The following CELF2 variants were observed in gnomAD, a reference collection of about 807,000 sequenced individuals.
CELF2 encodes the protein CUG triplet repeat RNA-binding protein 2.
In CELF2, 8 loss-of-function variants were observed where a neutral mutation model predicts 62.6. That is an observed-to-expected ratio of 0.13 (90% confidence interval 0.07 to 0.23). CELF2 has a LOEUF of 0.23. CELF2 is among the 10% of genes least tolerant of loss of function. The pLI is 1.00. For missense variants in CELF2, 333 were observed against 671.0 expected, an observed-to-expected ratio of 0.50 and a Z score of 5.56; for synonymous variants, 258 against 250.0, an observed-to-expected ratio of 1.03 and a Z score of -0.30.
the CELF2 span, among the ~76,000 whole-genome samples, chr10:10,689,219 T>C: frequency 9.2e-5 from 14 of 152,130 alleles, no homozygotes; most frequent in Non-Finnish European, 1.6e-4. Context: ...CCTCAGGAAA[T>C]TGACAATCAT....
rs887491439 is a variant in CELF2 at position 11,214,428 on chromosome 10, GA to G, written c.272-2996del. Among the ~76,000 whole-genome samples the G allele has an allele frequency of 8.5e-5, 13 of 152,180 alleles. No individual in the cohort carries two copies. Among genetic ancestry groups the G allele is most frequent in the African/African-American group, 3.1e-4 (13 of 41,434 alleles). On this transcript the variant is annotated intron_variant, in intron 2 of 12. Transcript: ENST00000633077. This position sits in a 1 kb window ranked among gnomAD's most constrained non-coding sequence, Gnocchi z 4.2. ...ATTCCCAGTCTCCTTGTCTGCCCAG[GA>G]CCCCACATTTGTGTAAGTTGCTAAT...
At chr10:10,950,079 C>T (rs941621730) in intron 2 of CELF2, among the ~76,000 whole-genome samples, 6 of 152,264 alleles carry the variant, frequency 3.9e-5, no homozygotes, top group Non-Finnish European at 5.9e-5. Context: ...TCCCCTGATT[C>T]CTGAGTTTAT....
chr10:11,232,663 A>G (rs762125449), intron 3 of CELF2, among the ~76,000 whole-genome samples: 9 of 152,276 alleles, frequency 5.9e-5, no homozygotes, highest in East Asian at 1.9e-4. Flanking sequence ...ATGATGTTGC[A>G]TGGTACTGAT....
At chr10:11,095,471 G>A (rs543894638) in intron 1 of CELF2, among the ~76,000 whole-genome samples, 4 of 152,176 alleles carry the variant, frequency 2.6e-5, no homozygotes, top group African/African-American at 4.8e-5. Context: ...GCAGTAGCTC[G>A]TGAGTTTACC....
chr10:10,832,273 A>AAGTAAAAT (rs35304124), intron 1 of CELF2, among the ~76,000 whole-genome samples: 1 of 150,940 alleles, frequency 6.6e-6, no homozygotes, highest in Non-Finnish European at 1.5e-5. Flanking sequence ...ATCTAAAAAA[A>AAGTAAAAT]AAAAATAAAA....
At chr10:10,551,219 T>G in the CELF2 span, among the ~76,000 whole-genome samples, 1 of 152,180 alleles carries the variant, frequency 6.6e-6, no homozygotes, top group East Asian at 1.9e-4. Flanking sequence ...AAGGGTCAAC[T>G]GTAGTCTTAA....
intron 1 of CELF2, among the ~76,000 whole-genome samples, chr10:11,144,160 G>A (rs80339661): frequency 0.056 from 8,518 of 152,114 alleles, 287 homozygotes; most frequent in African/African-American, 0.087. Context: ...ATTGCCTTCG[G>A]AAGACATTTG....
the CELF2 span, among the ~76,000 whole-genome samples, chr10:10,735,715 T>A: frequency 6.6e-6 from 1 of 152,174 alleles, no homozygotes; most frequent in Admixed American, 6.5e-5. Flanking sequence ...AAGAGACCCA[T>A]TTGTCCTTGT....
chr10:10,576,770 C>T, the CELF2 span, among the ~76,000 whole-genome samples: 1 of 152,204 alleles, frequency 6.6e-6, no homozygotes, highest in Non-Finnish European at 1.5e-5. Context: ...TTCCCATTCA[C>T]TTGTACAGTG....
intron 2 of CELF2, among the ~76,000 whole-genome samples, chr10:11,209,339 G>A (rs919459167): frequency 1.3e-5 from 2 of 151,824 alleles, no homozygotes; most frequent in Non-Finnish European, 1.5e-5. Context: ...TCACACCAAC[G>A]GGCCCAGAGT....
chr10:10,749,610 T>A, the CELF2 span, among the ~76,000 whole-genome samples: 4 of 152,234 alleles, frequency 2.6e-5, no homozygotes, highest in African/African-American at 7.2e-5. Flanking sequence ...TTATATTTTT[T>A]AAATATTTAA....
intron 2 of CELF2, among the ~76,000 whole-genome samples, chr10:11,205,882 A>C (rs1001151934): frequency 6.6e-6 from 1 of 152,236 alleles, no homozygotes; most frequent in South Asian, 2.1e-4. Flanking sequence ...ATCCAACAAG[A>C]AAAAACAATC....
At chr10:11,032,402 G>C (rs1345676008) in intron 1 of CELF2, among the ~76,000 whole-genome samples, 1 of 152,146 alleles carries the variant, frequency 6.6e-6, no homozygotes, top group African/African-American at 2.4e-5. Flanking sequence ...GGAATCGCTT[G>C]AGGCCAGGAG....
the CELF2 span, among the ~76,000 whole-genome samples, chr10:10,681,485 A>G: frequency 1.3e-5 from 2 of 152,196 alleles, no homozygotes; most frequent in Admixed American, 6.5e-5. Context: ...TACTGTCCTC[A>G]TAGAGTGGAA....
chr10:11,272,472 G>T (rs970710000), intron 7 of CELF2, among the ~76,000 whole-genome samples: 2 of 152,138 alleles, frequency 1.3e-5, no homozygotes, highest in Non-Finnish European at 2.9e-5. Flanking sequence ...TAAGAGTCCG[G>T]CTTCCCCCAT....
intron 1 of CELF2, among the ~76,000 whole-genome samples, chr10:11,124,496 T>C (rs1284928286): frequency 6.6e-6 from 1 of 152,236 alleles, no homozygotes; most frequent in Non-Finnish European, 1.5e-5. Flanking sequence ...TGATGTTTTT[T>C]AGATCTAAAA....
At position 11,157,395 on chromosome 10, in the gene CELF2, CA is replaced by C. The variant is rs200965780; in HGVS notation, c.75-8090del. ...GACTTTGATATCCGCCCTCCCCCCA[CA>C]CACACACACACAAAAATTTCACTTA... On this transcript the variant is annotated intron_variant, in intron 1 of 12. Transcript: ENST00000633077. This position sits in a 1 kb window ranked among gnomAD's most constrained non-coding sequence, Gnocchi z 4.9. 0.034 allele frequency among the ~76,000 whole-genome samples: 4,168 copies of C among 123,994 alleles called. 94 individuals carry two copies. The highest frequency in any genetic ancestry group is 0.047 in the Middle Eastern group (10 of 214). 81.3% of individuals were successfully genotyped at this position (123,994 alleles called of 152,430 possible).
chr10:10,697,143 C>A, the CELF2 span, among the ~76,000 whole-genome samples: 1 of 151,980 alleles, frequency 6.6e-6, no homozygotes, highest in Non-Finnish European at 1.5e-5. Flanking sequence ...GGTTGTCCAC[C>A]CATAGCAAGC....
chr10:11,275,604 C>T (rs1374537546), intron 8 of CELF2, among the ~76,000 whole-genome samples: 2 of 152,174 alleles, frequency 1.3e-5, no homozygotes, highest in Non-Finnish European at 2.9e-5. Context: ...TAACGACAGA[C>T]AATTAACAGG....
Sources: gnomAD v4.1 joint callset for allele counts (sites outside exome capture counted in the v4.1 genomes callset) on GRCh38, gnomAD v4.1.1 for gene constraint, Gnocchi (gnomAD v3.1) non-coding constraint, MANE v1.5 for transcripts, NCBI Gene and HGNC (gene_info 2026-07-23, HGNC 2026-07-21) for gene names.